AMPH: variants seen among roughly 807,000 people sequenced by gnomAD.
AMPH encodes the protein amphiphysin (Stiff-Mann syndrome with breast cancer 128kD autoantigen).
Under a neutral mutation model 99.1 loss-of-function variants are expected in AMPH, and 49 were observed. The observed-to-expected ratio is 0.49, with a 90% CI of 0.39 to 0.63. The LOEUF is 0.63. AMPH is among the 20% of genes least tolerant of loss of function. AMPH has a pLI of 0.00. For synonymous variants in AMPH, 314 were observed against 317.3 expected (o/e 0.99, Z 0.11); for missense variants, 759 against 863.4 (o/e 0.88, Z 1.52).
At chr7:38,544,927 C>A (rs1402258323) in intron 1 of AMPH, among the ~76,000 whole-genome samples, 2 of 152,148 alleles carry the variant, frequency 1.3e-5, no homozygotes, top group Non-Finnish European at 2.9e-5. Flanking sequence ...TTAAGAGATT[C>A]TTACGTGTTT....
intron 1 of AMPH, among the ~76,000 whole-genome samples, chr7:38,570,154 T>C (rs566797335): frequency 5.9e-4 from 90 of 152,224 alleles, no homozygotes; most frequent in African/African-American, 2.0e-3. Context: ...CTAAATGCAG[T>C]CTTTTGGTGA....
intron 5 of AMPH, among the ~76,000 whole-genome samples, chr7:38,484,459 T>C (rs531458814): frequency 1.3e-5 from 2 of 152,132 alleles, no homozygotes; most frequent in African/African-American, 4.8e-5. Context: ...GTATTTAAAG[T>C]GATGAAAGAA....
chr7:38,571,954 G>C (rs1397260069), intron 1 of AMPH, among the ~76,000 whole-genome samples: 1 of 151,022 alleles, frequency 6.6e-6, no homozygotes, highest in Non-Finnish European at 1.5e-5. Context: ...TGCCCAGGCT[G>C]GAGTGCAATG....
At chr7:38,566,054 C>T (rs367973617) in intron 1 of AMPH, among the ~76,000 whole-genome samples, 1 of 152,078 alleles carries the variant, frequency 6.6e-6, no homozygotes, top group African/African-American at 2.4e-5. Flanking sequence ...TTCCTAAGTC[C>T]CCCACCACCT....
At chr7:38,458,665 C>T (rs946166520) in intron 11 of AMPH, among the ~76,000 whole-genome samples, 1 of 152,298 alleles carries the variant, frequency 6.6e-6, no homozygotes, top group African/African-American at 2.4e-5. Context: ...AACACTGCTT[C>T]ATGATGAAAA....
chr7:38,496,736 T>C (rs1289153040), intron 3 of AMPH, among the ~76,000 whole-genome samples: 1 of 152,140 alleles, frequency 6.6e-6, no homozygotes, highest in Non-Finnish European at 1.5e-5. Context: ...CTCAAATTCA[T>C]AACAAGCGTT....
chr7:38,512,211 G>T (rs1002767155), intron 2 of AMPH, among the ~76,000 whole-genome samples: 9 of 152,134 alleles, frequency 5.9e-5, no homozygotes, highest in African/African-American at 1.9e-4. Flanking sequence ...CCTTTAGATT[G>T]CTATGCCAAT....
intron 17 of AMPH, among the ~76,000 whole-genome samples, chr7:38,415,870 T>A (rs1785367873): frequency 6.6e-6 from 1 of 152,022 alleles, no homozygotes; most frequent in East Asian, 1.9e-4. Flanking sequence ...AGTGCCTGAA[T>A]CCTTCATTAG....
intron 20 of AMPH, among the ~76,000 whole-genome samples, 180 bp from the exon 21 acceptor site, chr7:38,385,105 A>C (rs1784316241): frequency 6.6e-6 from 1 of 152,140 alleles, no homozygotes; most frequent in African/African-American, 2.4e-5. Context: ...GTTAGTTAAA[A>C]AAAAAAAGAA....
rs377700241 is a variant in AMPH, at chr7:38,561,038, T to C, written c.70-26027A>G. Among the ~76,000 whole-genome samples, 511 of 152,346 alleles carry C rather than the reference T, an allele frequency of 3.4e-3. 6 individuals carry two copies. Among genetic ancestry groups the C allele is most frequent in the African/African-American group, 0.012 (487 of 41,582 alleles). ...TTTCACTAGGAAAAGTTATCTTTAA[T>C]GAAGCATCAACAGATGCTTAGCCTT... is the stretch of plus-strand genomic sequence containing the variant. On this transcript the variant is annotated intron_variant, in intron 1 of 20. Coordinates refer to ENST00000356264, the MANE Select transcript of AMPH (RefSeq NM_001635.4).
In AMPH at chr7:38,423,292, A is replaced by G. The variant is rs537714673; in HGVS notation, c.1216-815T>C. Among the ~76,000 whole-genome samples the G allele has an allele frequency of 3.1e-4, 47 of 152,352 alleles. No homozygotes were observed. The South Asian group carries it at 9.5e-3, about 31-fold the overall frequency. On this transcript the variant is annotated intron_variant, in intron 15 of 20. Coordinates refer to ENST00000356264, the MANE Select transcript of AMPH (RefSeq NM_001635.4). The stretch of plus-strand genomic sequence containing the variant: ...ATCAAGCTGGAGGAAATCTAAAGGA[A>G]AAGTAATCTCTAAAGGAAACTTCAT...
At chr7:38,494,366 C>A (rs1788843933) in intron 4 of AMPH, 67 bp downstream of exon 4, 2 of 1,320,192 alleles carry the variant, frequency 1.5e-6, no homozygotes, top group Non-Finnish European at 2.2e-6. Flanking sequence ...GTGGAAAGAG[C>A]AAGTCAGGGG....
intron 15 of AMPH, among the ~76,000 whole-genome samples, chr7:38,426,198 C>A (rs2128990778): frequency 6.6e-6 from 1 of 152,214 alleles, no homozygotes; most frequent in African/African-American, 2.4e-5. Flanking sequence ...CATTCTGAGA[C>A]AAAGCAGGCA....
chr7:38,405,742 G>A (rs1339783016), intron 17 of AMPH, among the ~76,000 whole-genome samples: 1 of 152,100 alleles, frequency 6.6e-6, no homozygotes, highest in Admixed American at 6.6e-5. Context: ...CTAGACCTGA[G>A]AAAAGAGATA....
intron 1 of AMPH, among the ~76,000 whole-genome samples, chr7:38,600,019 C>T (rs549878418): frequency 2.0e-4 from 30 of 152,080 alleles, no homozygotes; most frequent in Admixed American, 4.6e-4. Context: ...TTGTAAGCAT[C>T]TTTAAGGACC....
chr7:38,465,755 T>C (rs925517350), intron 8 of AMPH, among the ~76,000 whole-genome samples: 1 of 152,260 alleles, frequency 6.6e-6, no homozygotes, highest in African/African-American at 2.4e-5. Flanking sequence ...GTAAACTAAA[T>C]ATATATGTAT....
chr7:38,571,150 T>C lies in AMPH; in HGVS notation c.70-36139A>G. On this transcript the variant is annotated intron_variant, in intron 1 of 20. Transcript: ENST00000356264. Reference sequence around the variant, plus strand: ...GAATATATATATTTTTATATATTTATGAATATATATATTTTTATATATTTT... The same window carrying C: ...GAATATATATATTTTTATATATTTACGAATATATATATTTTTATATATTTT... Among the ~76,000 whole-genome samples the C allele has an allele frequency of 3.2e-5, 2 of 62,268 alleles. 1 individual carries two copies. Among genetic ancestry groups the C allele is most frequent in the Non-Finnish European group, 6.0e-5 (2 of 33,168 alleles). 40.9% of individuals were successfully genotyped at this position (62,268 alleles called of 152,430 possible).
intron 2 of AMPH, among the ~76,000 whole-genome samples, chr7:38,508,515 C>A (rs1185744762): frequency 6.6e-6 from 1 of 152,136 alleles, no homozygotes; most frequent in Non-Finnish European, 1.5e-5. Flanking sequence ...CATTAAGTTG[C>A]CTCTCCAACT....
At chr7:38,585,469 A>T (rs1245464603) in intron 1 of AMPH, among the ~76,000 whole-genome samples, 1 of 152,240 alleles carries the variant, frequency 6.6e-6, no homozygotes, top group Non-Finnish European at 1.5e-5. Flanking sequence ...AGATGCTGTC[A>T]TTTGATGGTG....
Sources: allele counts gnomAD v4.1 joint callset (sites outside exome capture counted in the v4.1 genomes callset), GRCh38; gene constraint gnomAD v4.1.1; transcripts MANE v1.5; gene names NCBI Gene and HGNC (gene_info 2026-07-23, HGNC 2026-07-21).